The following PRR13 variants were observed in gnomAD, a reference collection of about 807,000 sequenced individuals.
PRR13 encodes the protein proline-rich protein 13.
A neutral mutation model predicts 11.5 loss-of-function variants in PRR13; 7 were observed. The ratio of observed to expected loss-of-function variants is 0.61; its 90% confidence interval spans 0.34 to 1.14. The LOEUF (loss-of-function observed/expected upper bound fraction) is 1.14, where lower values mean the gene tolerates loss of function less well. Ranked by LOEUF, PRR13 falls within the 50% of genes most tolerant of loss-of-function variation. The probability of loss-of-function intolerance (pLI) is 0.03; values close to 1 mark genes in which losing one functional copy is unlikely to be tolerated. For missense variants in PRR13, 155 were observed against 194.4 expected, an observed-to-expected ratio of 0.80 and a Z score of 1.21; for synonymous variants, 53 against 67.8, an observed-to-expected ratio of 0.78 and a Z score of 1.07.
At chr12:53,445,007 T>G (rs1940374116) in intron 3 of PRR13, among the ~76,000 whole-genome samples, 1 of 152,190 alleles carries the variant, frequency 6.6e-6, no homozygotes, top group South Asian at 2.1e-4. Flanking sequence ...AACTGCCCAG[T>G]ATTTATTTGC....
chr12:53,443,562 C>T lies in PRR13; in HGVS notation c.191C>T (p.Pro64Leu), dbSNP rs1445342156. The T allele has an allele frequency of 6.3e-7, 1 of 1,599,466 alleles. No homozygotes were observed. The highest frequency in any genetic ancestry group is 1.1e-5 in the South Asian group (1 of 90,242). Residue 64 changes from proline to leucine, a missense_variant, in exon 3 of 4, where the codon CCA (proline) becomes CTA (leucine). Physicochemically the swap from Pro to Leu is moderately conservative, Grantham distance 98 (BLOSUM62 -3). Coordinates refer to ENST00000429243, the MANE Select transcript of PRR13 (RefSeq NM_018457.4). ...FPPGGPPHPV[P>L]QPGYPGCQPL... Reference sequence around the variant, plus strand: ...CCAGGTGGGCCCCCTCATCCTGTGCCACAGCCAGGGTATCCAGGATGCCAA... The same window carrying T: ...CCAGGTGGGCCCCCTCATCCTGTGCTACAGCCAGGGTATCCAGGATGCCAA...
At chr12:53,443,993 G>A in intron 3 of PRR13, 2 of 642,586 alleles carry the variant, frequency 3.1e-6, no homozygotes, top group Non-Finnish European at 5.1e-6. Context: ...GGGAGTTAGG[G>A]TGAGCCTTAG....
chr12:53,445,153 C>T (rs935177414), intron 3 of PRR13, among the ~76,000 whole-genome samples: 1 of 151,934 alleles, frequency 6.6e-6, no homozygotes. Context: ...AGTTCAAGAC[C>T]AGCCTAGCCA....
At chr12:53,444,822 C>T (rs536245797) in intron 3 of PRR13, among the ~76,000 whole-genome samples, 4 of 151,844 alleles carry the variant, frequency 2.6e-5, no homozygotes, top group Admixed American at 2.6e-4. Flanking sequence ...TGCTTGAACC[C>T]GGGAGGCAGA....
At chr12:53,442,601 T>C (rs894884082) in intron 1 of PRR13, 94 bp from the exon 2 acceptor site, 1 of 1,056,792 alleles carries the variant, frequency 9.5e-7, no homozygotes, top group African/African-American at 1.6e-5. Context: ...GAGAGCCTAC[T>C]GTGGGGTGGA....
chr12:53,442,572 G>A, intron 1 of PRR13, 123 bp from the exon 2 acceptor site: 1 of 802,164 alleles, frequency 1.2e-6, no homozygotes, highest in South Asian at 1.5e-5. Flanking sequence ...TGTGGAAGTT[G>A]TGGTAGTTCT....
In PRR13 at chr12:53,442,683, C is replaced by G. The variant is rs201492748; in HGVS notation, c.-20-12C>G. ...GACCGTCATCTTTTTTGCCTCATTT[C>G]TTTCTCCTCAGGCTGGAGGACACAC... On this transcript the variant is annotated splice_polypyrimidine_tract_variant and intron_variant, in intron 1 of 3. Transcript: ENST00000429243. The G allele has an allele frequency of 1.3e-3, 2,034 of 1,602,802 alleles. 4 individuals are homozygous for G. Among genetic ancestry groups the G allele is most frequent in the Non-Finnish European group, 1.6e-3 (1,850 of 1,169,814 alleles).
At chr12:53,444,332 T>TTG (rs1463613946) in intron 3 of PRR13, among the ~76,000 whole-genome samples, 1 of 145,356 alleles carries the variant, frequency 6.9e-6, no homozygotes, top group African/African-American at 2.8e-5. Flanking sequence ...TAAGGAGGTT[T>TTG]TTTTTTTTTT....
chr12:53,443,808 T>C, intron 3 of PRR13, 35 bp downstream of exon 3: 2 of 1,559,402 alleles, frequency 1.3e-6, no homozygotes, highest in South Asian at 2.3e-5. Flanking sequence ...AGGGAAGGAG[T>C]CCCCCCTCAG....
chr12:53,441,930 A>G, intron 1 of PRR13, 138 bp downstream of exon 1: 2 of 653,408 alleles, frequency 3.1e-6, no homozygotes, highest in Admixed American at 5.1e-5. Context: ...ATATTTAAGT[A>G]TTTGAGGTTC....
At chr12:53,445,915 TG>T in intron 3 of PRR13, 99 bp from the exon 4 acceptor site, 1 of 1,571,828 alleles carries the variant, frequency 6.4e-7, no homozygotes, top group Non-Finnish European at 8.7e-7. Context: ...AAGGGATACT[TG>T]GGTGGAGGGG....
At chr12:53,442,048 TG>T in intron 1 of PRR13, 1 of 559,476 alleles carries the variant, frequency 1.8e-6, no homozygotes, top group Non-Finnish European at 3.2e-6. Context: ...TCTTACTCTG[TG>T]CGTGGTTAAA....
intron 3 of PRR13, 53 bp from the exon 4 acceptor site, chr12:53,445,962 G>A (rs1940391294): frequency 1.9e-6 from 3 of 1,613,396 alleles, no homozygotes; most frequent in African/African-American, 1.3e-5. Context: ...AGTGATGAAA[G>A]GTCATTTGGA....
Position 53,446,035 on chromosome 12 carries a change from C to G in PRR13, c.423C>G (p.Ser141=). 6.2e-7 allele frequency: 1 copy of G among 1,610,766 alleles called. No homozygotes were observed. Among genetic ancestry groups the G allele is most frequent in the Non-Finnish European group, 8.5e-7 (1 of 1,178,922 alleles). The change falls in exon 4 of 4, where the codon TCC becomes TCG. Residue 141 remains serine, a synonymous_variant. Coordinates refer to ENST00000429243, the MANE Select transcript of PRR13 (RefSeq NM_018457.4). The stretch of plus-strand genomic sequence containing the variant: ...TGCAGCATTCCTCCTCTTCCTCCTC[C>G]TCTTCCAGCAGTGATTCTGACTGAA... ...KHGKHSSSSS[S]SSSSDSD
rs548292950 is a variant in PRR13, at chr12:53,445,342, C to T, written c.403-673C>T. Among the ~76,000 whole-genome samples the T allele has an allele frequency of 2.7e-3, 351 of 128,586 alleles. 1 individual carries two copies. Among genetic ancestry groups the T allele is most frequent in the Middle Eastern group, 0.018 (5 of 272 alleles). The allele number at this position is 128,586 out of a possible 152,430, so 84.4% of individuals were successfully genotyped here. A position where few individuals can be genotyped will look rare whatever the true frequency, so the allele number is the denominator to read the frequency against. On this transcript the variant is annotated intron_variant, in intron 3 of 3. Transcript: ENST00000429243. The stretch of plus-strand genomic sequence containing the variant: ...CAGCCTGGGCAACTGGGTGAAACTC[C>T]GTCTAAAAAAAAAAAAAAAAAAGGT...
In PRR13 at chr12:53,441,795, G is replaced by A. The variant is rs1940297018; in HGVS notation, c.-21+3G>A. 1.4e-6 allele frequency: 1 copy of A among 702,368 alleles called. No individual in the cohort carries two copies. Among genetic ancestry groups the A allele is most frequent in the South Asian group, 1.5e-5 (1 of 67,582 alleles). 43.5% of individuals were successfully genotyped at this position (702,368 alleles called of 1,614,324 possible). A position where few individuals can be genotyped will look rare whatever the true frequency, so the allele number is the denominator to read the frequency against. Reference sequence around the variant, plus strand: ...CAAGCCCAGGCGGCGGTGGAAAGGTGATGGGGTATCTGGATTCCATAGGTT... The same window carrying A: ...CAAGCCCAGGCGGCGGTGGAAAGGTAATGGGGTATCTGGATTCCATAGGTT... On this transcript the variant is annotated splice_donor_region_variant and intron_variant, in intron 1 of 3. Transcript: ENST00000429243.
At chr12:53,444,986 C>T (rs1940373819) in intron 3 of PRR13, among the ~76,000 whole-genome samples, 1 of 152,160 alleles carries the variant, frequency 6.6e-6, no homozygotes, top group African/African-American at 2.4e-5. Context: ...ATGAGGCCTC[C>T]ATTTACATTT....
intron 1 of PRR13, 51 bp downstream of exon 1, chr12:53,441,843 C>G (rs1940298459): frequency 1.4e-6 from 1 of 702,128 alleles, no homozygotes; most frequent in African/African-American, 1.7e-5. Context: ...CTTGCTAGGT[C>G]AAGAGTCTCT....
intron 2 of PRR13, 35 bp downstream of exon 2, chr12:53,442,768 C>G (rs1166002199): frequency 1.3e-6 from 2 of 1,591,106 alleles, no homozygotes; most frequent in East Asian, 2.2e-5. Flanking sequence ...ACCCCTAACC[C>G]TTTTTCTGAT....
Sources: allele counts gnomAD v4.1 joint callset (sites outside exome capture counted in the v4.1 genomes callset), GRCh38; gene constraint gnomAD v4.1.1; transcripts MANE v1.5; gene names NCBI Gene and HGNC (gene_info 2026-07-23, HGNC 2026-07-21).